The following P2RX6 variants were observed in gnomAD, a reference collection of about 807,000 sequenced individuals.
P2RX6 encodes the protein purinergic receptor P2X 6, also known as P2X purinoceptor 6.
In P2RX6, 62 loss-of-function variants were observed where a neutral mutation model predicts 54.2. The ratio of observed to expected loss-of-function variants is 1.14; its 90% confidence interval spans 0.93 to 1.41. P2RX6 has a LOEUF of 1.41. Among genes scored for constraint, P2RX6 ranks in the 40% most tolerant of loss-of-function variants. P2RX6 has a pLI of 0.00. For missense variants in P2RX6, 541 were observed against 566.3 expected (o/e 0.96, Z 0.45); for synonymous variants, 211 against 231.9 (o/e 0.91, Z 0.82).
upstream of P2RX6, among the ~76,000 whole-genome samples, chr22:21,011,812 G>A (rs56017907): frequency 8.9e-4 from 135 of 152,226 alleles, no homozygotes; most frequent in African/African-American, 3.0e-3. Flanking sequence ...TGTGTCAAGC[G>A]GTTAAAACTG....
intron 1 of P2RX6, among the ~76,000 whole-genome samples, chr22:21,015,723 G>GTGAT (rs1926236763): frequency 6.6e-6 from 1 of 152,122 alleles, no homozygotes; most frequent in Non-Finnish European, 1.5e-5. Context: ...GCTAGTGAAG[G>GTGAT]TGATTGTCTG....
At chr22:21,021,713 G>A (rs377330981) in intron 3 of P2RX6, among the ~76,000 whole-genome samples, 2 of 152,238 alleles carry the variant, frequency 1.3e-5, no homozygotes, top group East Asian at 3.9e-4. Flanking sequence ...GCCTGGGAGA[G>A]TGCCCGATGC....
intron 2 of P2RX6, 192 bp from the exon 3 acceptor site, chr22:21,017,797 A>G (rs986561008): frequency 4.5e-6 from 3 of 671,790 alleles, no homozygotes; most frequent in Non-Finnish European, 5.5e-6. Context: ...ACATGGGCAC[A>G]AGGCTTCCTG....
chr22:21,023,256 C>T lies in P2RX6; in HGVS notation c.639-19C>T. On this transcript the variant is annotated intron_variant, in intron 6 of 11. Transcript: ENST00000413302. ...CCTCCTTGTCCCCTACCTCATCTGA[C>T]CTTTCCCACTCCTCCCAGGTCCAAT... 1 of 1,614,020 alleles carries T rather than the reference C, an allele frequency of 6.2e-7. No homozygotes were observed.
upstream of P2RX6, chr22:21,010,350 G>A (rs1205332066): frequency 6.6e-6 from 1 of 152,206 alleles, no homozygotes; most frequent in Non-Finnish European, 1.5e-5. Flanking sequence ...GTCAAAGTCT[G>A]AAATAAGCCT....
intron 2 of P2RX6, among the ~76,000 whole-genome samples, chr22:21,017,583 C>T (rs1426608323): frequency 2.6e-5 from 4 of 152,194 alleles, no homozygotes; most frequent in African/African-American, 9.6e-5. Context: ...GGCATGGTAG[C>T]TGGAGCCTGT....
intron 1 of P2RX6, chr22:21,009,997 A>G (rs1472589285): frequency 2.6e-5 from 4 of 152,294 alleles, no homozygotes; most frequent in Non-Finnish European, 5.9e-5. Context: ...GGGCAGGAAG[A>G]TTCTTTCTTC....
rs112815215 is a variant in P2RX6, at chr22:21,026,576, A to C, written c.1285A>C (p.Ser429Arg). 40 of 1,590,630 alleles carry C rather than the reference A, an allele frequency of 2.5e-5. 1 individual carries two copies. The African/African-American group carries it at 4.3e-4, about 17-fold the overall frequency. ...QTQTPGWPCP[S>R]SDTHLPTHSG... is the part of the protein sequence containing the mutation. ...ACAGACACCAGGATGGCCCTGTCCA[A>C]GTTCTGACACCCACTTGCCAACCCA... Residue 429 changes from serine (S) to arginine (R), a missense_variant, in exon 12 of 12, where the codon AGT (serine) becomes CGT (arginine). Transcript: ENST00000413302. The surrounding 1 kb of genome is among the most constrained non-coding windows in gnomAD (Gnocchi z 4.0).
At chr22:21,015,872 G>A in intron 1 of P2RX6, 70 bp from the exon 2 acceptor site, 3 of 1,471,690 alleles carry the variant, frequency 2.0e-6, no homozygotes, top group African/African-American at 1.4e-5. Flanking sequence ...AACTGAGCAT[G>A]TAGGGCTCAG....
At chr22:21,019,526 C>A (rs1926991889) in intron 3 of P2RX6, among the ~76,000 whole-genome samples, 4 of 152,194 alleles carry the variant, frequency 2.6e-5, no homozygotes, top group Admixed American at 2.6e-4. Context: ...GTTGGCCAGG[C>A]TGGTCTCGAA....
intron 8 of P2RX6, among the ~76,000 whole-genome samples, chr22:21,025,595 C>T (rs562810814): frequency 1.7e-4 from 26 of 152,318 alleles, no homozygotes; most frequent in African/African-American, 5.5e-4. Flanking sequence ...CTCTGTCCCC[C>T]GTCCTCTCAG....
chr22:21,021,852 G>A (rs1030548014), intron 3 of P2RX6, among the ~76,000 whole-genome samples: 3 of 152,178 alleles, frequency 2.0e-5, no homozygotes, highest in African/African-American at 7.2e-5. Context: ...AGAGCGAGCA[G>A]GAAGGAGTAG....
chr22:21,023,258 T>TACC lies in P2RX6; in HGVS notation c.639-17_639-16insACC. ...TCCTTGTCCCCTACCTCATCTGACC[T>TACC]TTCCCACTCCTCCCAGGTCCAATGC... is the stretch of plus-strand genomic sequence containing the variant. On this transcript the variant is annotated splice_polypyrimidine_tract_variant and intron_variant, in intron 6 of 11. Coordinates refer to ENST00000413302, the MANE Select transcript of P2RX6 (RefSeq NM_005446.5). 1 of 1,613,982 alleles carries TACC rather than the reference T, an allele frequency of 6.2e-7. No individual in the cohort carries two copies. Among genetic ancestry groups the TACC allele is most frequent in the Non-Finnish European group, 8.5e-7 (1 of 1,179,864 alleles).
At chr22:21,019,620 G>A (rs996993628) in intron 3 of P2RX6, among the ~76,000 whole-genome samples, 13 of 152,212 alleles carry the variant, frequency 8.5e-5, no homozygotes, top group African/African-American at 3.1e-4. Flanking sequence ...CTTGGTCGGG[G>A]AGACCTGAAC....
intron 3 of P2RX6, chr22:21,018,344 G>A (rs571681296): frequency 1.6e-5 from 7 of 424,906 alleles, no homozygotes; most frequent in Admixed American, 1.1e-4. Context: ...ACAGGACCCC[G>A]AGCTCTGGGC....
intron 3 of P2RX6, among the ~76,000 whole-genome samples, chr22:21,019,471 GC>G (rs1926984461): frequency 6.6e-6 from 1 of 152,122 alleles, no homozygotes; most frequent in African/African-American, 2.4e-5. Flanking sequence ...CCGCCACTGT[GC>G]CCAGCTAATT....
At chr22:21,011,273 A>G, upstream of P2RX6, 1 of 551,352 alleles carries the variant, frequency 1.8e-6, no homozygotes, top group South Asian at 2.3e-5. Context: ...GGGGAGCAGG[A>G]ACCAGAGCAC....
intron 1 of P2RX6, chr22:21,009,877 G>A (rs574804036): frequency 4.6e-4 from 71 of 152,856 alleles, no homozygotes; most frequent in Non-Finnish European, 7.8e-4. Flanking sequence ...GATAATACAG[G>A]TACTCAAATA....
chr22:21,025,380 G>A (rs1284630898), intron 8 of P2RX6, among the ~76,000 whole-genome samples: 2 of 151,976 alleles, frequency 1.3e-5, no homozygotes, highest in East Asian at 1.9e-4. Context: ...TCGAAACCAC[G>A]TGGGGCTGGC....
Sources: gnomAD v4.1 joint callset for allele counts (sites outside exome capture counted in the v4.1 genomes callset) on GRCh38, gnomAD v4.1.1 for gene constraint, Gnocchi (gnomAD v3.1) non-coding constraint, MANE v1.5 for transcripts, NCBI Gene and HGNC (gene_info 2026-07-23, HGNC 2026-07-21) for gene names.